Variants in MYCBP2 observed in about 807,000 individuals in gnomAD.
The protein encoded by MYCBP2 is MYC binding protein 2, also known as E3 ubiquitin-protein ligase MYCBP2.
Under a neutral mutation model 525.3 loss-of-function variants are expected in MYCBP2, and 120 were observed. That is an observed-to-expected ratio of 0.23 (90% CI 0.20 to 0.27). MYCBP2 has a LOEUF of 0.27. Among genes scored for constraint, MYCBP2 ranks in the 10% least tolerant of loss-of-function variants. The pLI is 1.00. For missense variants in MYCBP2, 4,149 were observed against 5,657.1 expected (o/e 0.73, Z 8.55); for synonymous variants, 1,894 against 1,955.8 (o/e 0.97, Z 0.83).
At chr13:77,107,076 A>G (rs1046679080) in intron 55 of MYCBP2, among the ~76,000 whole-genome samples, 19 of 152,162 alleles carry the variant, frequency 1.2e-4, no homozygotes, top group African/African-American at 2.4e-5. Context: ...TGTCACAAAC[A>G]ATAAGATTTT....
chr13:77,196,012 C>A (rs1393216976), intron 26 of MYCBP2, among the ~76,000 whole-genome samples: 2 of 152,154 alleles, frequency 1.3e-5, no homozygotes, highest in Non-Finnish European at 2.9e-5. Context: ...ACAATACAAT[C>A]AAAGAATTGG....
At chr13:77,112,820 T>C (rs1186024268) in intron 55 of MYCBP2, among the ~76,000 whole-genome samples, 5 of 152,164 alleles carry the variant, frequency 3.3e-5, no homozygotes, top group African/African-American at 1.2e-4. Flanking sequence ...TTCAACTGAA[T>C]TACTCTCATT....
intron 26 of MYCBP2, among the ~76,000 whole-genome samples, chr13:77,201,858 G>A (rs186461807): frequency 0.013 from 1,907 of 152,022 alleles, 19 homozygotes; most frequent in Middle Eastern, 0.027. Flanking sequence ...GAACAAAGAC[G>A]CAACATACCA....
In MYCBP2 at chr13:77,055,514, T is replaced by G. The variant is rs746789057; in HGVS notation, c.13647+44A>C. 20 of 1,497,288 alleles carry G rather than the reference T, an allele frequency of 1.3e-5. No homozygotes were observed. In the East Asian group the frequency reaches 3.8e-4, roughly 29 times the overall value. The allele number at this position is 1,497,288 out of a possible 1,614,324, so 92.8% of individuals were successfully genotyped here. A position where few individuals can be genotyped will look rare whatever the true frequency, so the allele number is the denominator to read the frequency against. ...CAATTTGAATTCTTAATCATATAGG[T>G]AAGCTCTAGTTTTTAAAACTTCTCA... On this transcript the variant is annotated intron_variant, in intron 80 of 82. Transcript: ENST00000544440.
intron 2 of MYCBP2, among the ~76,000 whole-genome samples, 197 bp downstream of exon 2, chr13:77,296,402 A>G (rs944979793): frequency 3.9e-5 from 6 of 152,158 alleles, no homozygotes; most frequent in Admixed American, 3.9e-4. Context: ...CAAAAAAGAA[A>G]AAAAAAAGGC....
intron 43 of MYCBP2, among the ~76,000 whole-genome samples, chr13:77,163,340 T>C (rs921378700): frequency 6.6e-6 from 1 of 151,706 alleles, no homozygotes; most frequent in Non-Finnish European, 1.5e-5. Flanking sequence ...CATACATATA[T>C]ACCAATATTA....
chr13:77,220,093 G>A (rs1157387483), intron 20 of MYCBP2, among the ~76,000 whole-genome samples: 2 of 152,070 alleles, frequency 1.3e-5, no homozygotes, highest in Non-Finnish European at 2.9e-5. Context: ...CCTAAGTATA[G>A]GCATAGGAAA....
At chr13:77,310,615 T>C (rs542924160) in intron 1 of MYCBP2, among the ~76,000 whole-genome samples, 2 of 152,126 alleles carry the variant, frequency 1.3e-5, no homozygotes, top group Non-Finnish European at 2.9e-5. Context: ...CATATATATA[T>C]AATTGGATTC....
chr13:77,072,109 A>G (rs996140535), intron 68 of MYCBP2, among the ~76,000 whole-genome samples: 7 of 151,970 alleles, frequency 4.6e-5, no homozygotes, highest in Non-Finnish European at 8.8e-5. Flanking sequence ...TAACGTGGTG[A>G]AACCCCATCT....
intron 59 of MYCBP2, among the ~76,000 whole-genome samples, chr13:77,091,082 T>C (rs2045333467): frequency 6.6e-6 from 1 of 152,166 alleles, no homozygotes; most frequent in Non-Finnish European, 1.5e-5. Context: ...CTGGAGTTTT[T>C]TCCATCATTC....
At position 77,191,805 on chromosome 13, in the gene MYCBP2, T is replaced by C. The variant is rs1485602608; in HGVS notation, c.3944A>G (p.Tyr1315Cys). The change falls in exon 28 of 83, where the codon TAT (tyrosine) becomes TGT (cysteine). Residue 1315 changes from tyrosine (Y) to cysteine (C), a missense_variant. This residue lies in a region of MYCBP2 where 620 missense variants were observed against 795.5 expected (regional missense o/e 0.78). Coordinates refer to ENST00000544440, the MANE Select transcript of MYCBP2 (RefSeq NM_015057.5). ...LAYDCAAREK[Y>C]AMMFDEPVLL... ...AACAGGCTCATCAAACATCATTGCA[T>C]ATTTTTCTCTGAGAAAAAATTAGTG... The C allele has an allele frequency of 6.2e-7, 1 of 1,613,626 alleles. No homozygotes were observed. Among genetic ancestry groups the C allele is most frequent in the Non-Finnish European group, 8.5e-7 (1 of 1,179,846 alleles).
rs759856825 is a variant in MYCBP2 at position 77,157,952 on chromosome 13, C to G, written c.6755G>C (p.Gly2252Ala). ...DFIACVPGSS[G>A]GRLARWLQPD... ...GTACATTTACCTTGCAAGCCTTCCA[C>G]CACTTGATCCTGGGACACAGGCAAT... Residue 2252 changes from glycine (G) to alanine (A), a missense_variant, in exon 45 of 83, where the codon GGT (glycine) becomes GCT (alanine). Physicochemically the swap from Gly to Ala is moderately conservative, Grantham distance 60. Transcript: ENST00000544440. 2.0e-5 allele frequency: 32 copies of G among 1,611,774 alleles called. No homozygotes were observed. The highest frequency in any genetic ancestry group is 1.8e-4 in the South Asian group (16 of 90,356).
intron 21 of MYCBP2, among the ~76,000 whole-genome samples, chr13:77,214,312 G>T (rs986846813): frequency 6.6e-6 from 1 of 152,080 alleles, no homozygotes; most frequent in Admixed American, 6.6e-5. Flanking sequence ...TCACTTCTAG[G>T]AATTTATCTC....
At chr13:77,318,043 A>G (rs1271908800) in intron 1 of MYCBP2, among the ~76,000 whole-genome samples, 2 of 152,190 alleles carry the variant, frequency 1.3e-5, no homozygotes, top group Non-Finnish European at 2.9e-5. Flanking sequence ...CCTGTAGTAG[A>G]GGATCAAACA....
intron 56 of MYCBP2, 42 bp downstream of exon 56, chr13:77,097,328 A>C: frequency 6.5e-7 from 1 of 1,541,054 alleles, no homozygotes; most frequent in Non-Finnish European, 8.7e-7. Context: ...TGGTTCATTA[A>C]AGAAAAAAGC....
chr13:77,292,826 C>T (rs1051270323), intron 2 of MYCBP2, among the ~76,000 whole-genome samples: 8 of 151,830 alleles, frequency 5.3e-5, no homozygotes, highest in Non-Finnish European at 1.2e-4. Context: ...GACGTGGTGG[C>T]TGGTGCCTGT....
chr13:77,267,807 G>A, intron 8 of MYCBP2, 34 bp downstream of exon 8: 2 of 1,478,612 alleles, frequency 1.4e-6, no homozygotes, highest in Non-Finnish European at 1.9e-6. Flanking sequence ...TCTTAAAATT[G>A]CTTGTGGAGA....
intron 12 of MYCBP2, among the ~76,000 whole-genome samples, 192 bp downstream of exon 12, chr13:77,260,979 G>T (rs2073170726): frequency 6.6e-6 from 1 of 151,982 alleles, no homozygotes; most frequent in African/African-American, 2.4e-5. Context: ...ATTCTTGTTA[G>T]ATCCTGGAAA....
Position 77,200,616 on chromosome 13 carries a change from G to GA in MYCBP2, c.3843+4639dup, listed in dbSNP as rs933216417. On this transcript the variant is annotated intron_variant, in intron 26 of 82. Coordinates refer to ENST00000544440, the MANE Select transcript of MYCBP2 (RefSeq NM_015057.5). Reference sequence around the variant, plus strand: ...CAGATTTACCAAAGTTGAAATGAAGGAAAAAATGTTAAGGGCAGCCAGAGA... The same window carrying GA: ...CAGATTTACCAAAGTTGAAATGAAGGAAAAAAATGTTAAGGGCAGCCAGAGA... Among the ~76,000 whole-genome samples the GA allele has an allele frequency of 1.8e-3, 271 of 152,166 alleles. 1 individual carries two copies. The highest frequency in any genetic ancestry group is 6.2e-3 in the African/African-American group (257 of 41,528).
Sources: allele counts gnomAD v4.1 joint callset (sites outside exome capture counted in the v4.1 genomes callset), GRCh38; gene constraint gnomAD v4.1.1; regional missense constraint gnomAD v4.1.1; transcripts MANE v1.5; gene names NCBI Gene and HGNC (gene_info 2026-07-23, HGNC 2026-07-21).